The following CADM1 variants were observed in gnomAD, a reference collection of about 807,000 sequenced individuals.
The protein encoded by CADM1 is TSLC-1.
In CADM1, 15 loss-of-function variants were observed where a neutral mutation model predicts 53.1. The observed-to-expected ratio is 0.28, with a 90% CI of 0.19 to 0.44. The LOEUF (loss-of-function observed/expected upper bound fraction) is 0.44. Among genes scored for constraint, CADM1 ranks in the 20% least tolerant of loss-of-function variants. The pLI, the probability that CADM1 is intolerant of heterozygous loss-of-function variation, is 1.00. For synonymous variants in CADM1, 281 were observed against 243.0 expected (o/e 1.16, Z -1.45); for missense variants, 434 against 611.3 (o/e 0.71, Z 3.06).
intron 1 of CADM1, among the ~76,000 whole-genome samples, chr11:115,365,341 G>A (rs1946130134): frequency 6.6e-6 from 1 of 152,120 alleles, no homozygotes; most frequent in Non-Finnish European, 1.5e-5. Context: ...GCTGATGTAG[G>A]TTAGATAACT....
chr11:115,498,872 T>A (rs1949676145), intron 1 of CADM1, among the ~76,000 whole-genome samples: 2 of 152,106 alleles, frequency 1.3e-5, no homozygotes, highest in South Asian at 2.1e-4. Flanking sequence ...AATGATAGGA[T>A]GTTCAGGATT....
intron 1 of CADM1, among the ~76,000 whole-genome samples, chr11:115,274,616 C>T (rs993119022): frequency 1.3e-5 from 2 of 152,136 alleles, no homozygotes; most frequent in Admixed American, 1.3e-4. Context: ...ACAGCAACAA[C>T]GAAAACTGGG....
chr11:115,495,545 A>G (rs1006499503), intron 1 of CADM1, among the ~76,000 whole-genome samples: 3 of 152,180 alleles, frequency 2.0e-5, no homozygotes, highest in Non-Finnish European at 4.4e-5. Context: ...TAGACTGAGA[A>G]AGAAAGGTTT....
intron 5 of CADM1, among the ~76,000 whole-genome samples, chr11:115,223,368 T>C (rs1465371113): frequency 6.6e-6 from 1 of 152,188 alleles, no homozygotes; most frequent in Non-Finnish European, 1.5e-5. Flanking sequence ...CCTTTTAGAT[T>C]TTTAGATGCC....
intron 1 of CADM1, among the ~76,000 whole-genome samples, chr11:115,359,581 T>C (rs887605973): frequency 6.6e-6 from 1 of 152,142 alleles, no homozygotes; most frequent in Non-Finnish European, 1.5e-5. Context: ...TAATTGGTCA[T>C]TCAACAAAAT....
chr11:115,295,960 A>AT (rs774765292), intron 1 of CADM1, among the ~76,000 whole-genome samples: 3 of 151,950 alleles, frequency 2.0e-5, no homozygotes, highest in African/African-American at 7.3e-5. Context: ...TTTCTTATAT[A>AT]TTTTTTAAGA....
intron 1 of CADM1, among the ~76,000 whole-genome samples, chr11:115,289,583 CTTTTT>C (rs1242394605): frequency 5.7e-5 from 6 of 104,566 alleles, no homozygotes; most frequent in African/African-American, 2.7e-4. Context: ...ACTGAATTTT[CTTTTT>C]TTTTCTTTTT....
At chr11:115,262,489 G>A (rs1409499322) in intron 1 of CADM1, among the ~76,000 whole-genome samples, 1 of 152,172 alleles carries the variant, frequency 6.6e-6, no homozygotes, top group Non-Finnish European at 1.5e-5. Flanking sequence ...TGCCTCTCCT[G>A]TGTGTTTCCA....
chr11:115,209,763 T>A, intron 7 of CADM1, 106 bp from the exon 8 acceptor site: 1 of 1,406,120 alleles, frequency 7.1e-7, no homozygotes, highest in Non-Finnish European at 9.7e-7. Context: ...GTTTGATGGC[T>A]TCCCCCTTTA....
At chr11:115,434,294 C>T (rs1178425650) in intron 1 of CADM1, among the ~76,000 whole-genome samples, 1 of 152,196 alleles carries the variant, frequency 6.6e-6, no homozygotes, top group Non-Finnish European at 1.5e-5. Flanking sequence ...ACGAAGGTAT[C>T]ATACTCTTTG....
At chr11:115,452,154 G>GCCA in intron 1 of CADM1, among the ~76,000 whole-genome samples, 1 of 3,512 alleles carries the variant, frequency 2.8e-4, no homozygotes, top group Non-Finnish European at 4.3e-4. Flanking sequence ...GGGGTGGGGT[G>GCCA]GTGGGGTGGG....
At chr11:115,274,025 T>C (rs1472635445) in intron 1 of CADM1, among the ~76,000 whole-genome samples, 1 of 152,246 alleles carries the variant, frequency 6.6e-6, no homozygotes, top group Non-Finnish European at 1.5e-5. Context: ...TTTTCCTCCC[T>C]GAAAATCACA....
chr11:115,191,958 G>A (rs1435556949), intron 9 of CADM1, among the ~76,000 whole-genome samples: 2 of 152,174 alleles, frequency 1.3e-5, no homozygotes, highest in African/African-American at 4.8e-5. Context: ...AGCAAGTTGT[G>A]TTTATTTTTG....
At chr11:115,502,959 G>A (rs1334636792) in intron 1 of CADM1, among the ~76,000 whole-genome samples, 4 of 152,188 alleles carry the variant, frequency 2.6e-5, no homozygotes, top group Non-Finnish European at 5.9e-5. Context: ...TCCGCCACTT[G>A]TTGCTCCCGG....
At chr11:115,392,562 G>T (rs1393196858) in intron 1 of CADM1, among the ~76,000 whole-genome samples, 1 of 152,076 alleles carries the variant, frequency 6.6e-6, no homozygotes, top group Non-Finnish European at 1.5e-5. Flanking sequence ...AAACCAAATG[G>T]TTAATAAACT....
intron 1 of CADM1, among the ~76,000 whole-genome samples, chr11:115,326,906 T>C (rs1399483394): frequency 6.6e-6 from 1 of 152,184 alleles, no homozygotes; most frequent in Non-Finnish European, 1.5e-5. Context: ...CTGAGAGGAC[T>C]GTATAAAATT....
chr11:115,321,767 A>C (rs887280313), intron 1 of CADM1, among the ~76,000 whole-genome samples: 1 of 152,144 alleles, frequency 6.6e-6, no homozygotes, highest in African/African-American at 2.4e-5. Context: ...GTAATTTTGC[A>C]ACAGTGGCGT....
At chr11:115,185,690 C>T (rs1299261555) in intron 10 of CADM1, among the ~76,000 whole-genome samples, 5 of 152,324 alleles carry the variant, frequency 3.3e-5, no homozygotes, top group Admixed American at 3.3e-4. Flanking sequence ...CTCTGTTCAT[C>T]TCATGATAGC....
chr11:115,468,309 A>G (rs1948938565), intron 1 of CADM1, among the ~76,000 whole-genome samples: 1 of 152,238 alleles, frequency 6.6e-6, no homozygotes, highest in Admixed American at 6.5e-5. Flanking sequence ...ACCACGTTAC[A>G]TGAGATGAGA....
Sources: allele counts gnomAD v4.1 joint callset (sites outside exome capture counted in the v4.1 genomes callset), GRCh38; gene constraint gnomAD v4.1.1; transcripts MANE v1.5; gene names NCBI Gene and HGNC (gene_info 2026-07-23, HGNC 2026-07-21).